Variants in SYT1 observed in about 807,000 individuals in gnomAD.
SYT1 encodes synaptotagmin-1.
SYT1 carries 8 observed loss-of-function variants against 44.8 expected under a neutral mutation model. The ratio of observed to expected loss-of-function variants is 0.18; its 90% CI spans 0.10 to 0.32. The LOEUF (loss-of-function observed/expected upper bound fraction) is 0.32, where lower values mean the gene tolerates loss of function less well. Among genes scored for constraint, SYT1 ranks in the 10% least tolerant of loss-of-function variants. SYT1 has a pLI of 1.00. For missense variants in SYT1, 286 were observed against 509.3 expected (o/e 0.56, Z 4.22); for synonymous variants, 154 against 188.8 (o/e 0.82, Z 1.51).
chr12:79,284,633 C>T (rs1267717054), intron 4 of SYT1, among the ~76,000 whole-genome samples: 3 of 151,794 alleles, frequency 2.0e-5, no homozygotes, highest in Non-Finnish European at 2.9e-5. Flanking sequence ...GTCAGGAGAT[C>T]GAGACCATCC....
chr12:79,347,416 C>A (rs750740428), intron 8 of SYT1, among the ~76,000 whole-genome samples: 2 of 152,250 alleles, frequency 1.3e-5, no homozygotes, highest in African/African-American at 2.4e-5. Flanking sequence ...TTCCAAATAT[C>A]TTTGAAGAAC....
chr12:79,298,542 A>G (rs1275344321), intron 7 of SYT1, among the ~76,000 whole-genome samples: 1 of 152,164 alleles, frequency 6.6e-6, no homozygotes, highest in Non-Finnish European at 1.5e-5. Flanking sequence ...AACCTTTAAG[A>G]CAAGTCTAAA....
At chr12:78,911,134 A>C (rs1345290751) in intron 1 of SYT1, among the ~76,000 whole-genome samples, 3 of 152,032 alleles carry the variant, frequency 2.0e-5, no homozygotes, top group African/African-American at 7.2e-5. Context: ...AAGTAGCACT[A>C]AGGTGGATGT....
At chr12:79,001,858 T>C (rs896598039) in intron 2 of SYT1, among the ~76,000 whole-genome samples, 11 of 152,120 alleles carry the variant, frequency 7.2e-5, no homozygotes, top group Non-Finnish European at 1.3e-4. Flanking sequence ...TTCTTCAACT[T>C]TCTTCACTCA....
intron 1 of SYT1, among the ~76,000 whole-genome samples, chr12:78,882,452 A>G (rs1036873358): frequency 2.0e-5 from 3 of 151,758 alleles, no homozygotes; most frequent in Non-Finnish European, 4.4e-5. Context: ...GCAATGTAAT[A>G]TGGCTGACTC....
chr12:78,890,328 A>G (rs1874980089), intron 1 of SYT1, among the ~76,000 whole-genome samples: 1 of 151,792 alleles, frequency 6.6e-6, no homozygotes, highest in East Asian at 2.0e-4. Flanking sequence ...CAACATACCC[A>G]CAATAGTATT....
chr12:79,057,055 T>A lies in SYT1; in HGVS notation c.-18+9693T>A, dbSNP rs1874999010. Among the ~76,000 whole-genome samples, 3 of 152,054 alleles carry A rather than the reference T, an allele frequency of 2.0e-5. No individual in the cohort carries two copies. The South Asian group carries it at 6.2e-4, about 31-fold the overall frequency. ...CTCTAAAGATGAGTATATCCCAGTCTTAGTAATAACTATTCCTGTTTCAGC... is the reference window on the plus strand; with the variant it reads ...CTCTAAAGATGAGTATATCCCAGTCATAGTAATAACTATTCCTGTTTCAGC... On this transcript the variant is annotated intron_variant, in intron 3 of 10. Coordinates refer to ENST00000261205, the MANE Select transcript of SYT1 (RefSeq NM_005639.3).
chr12:79,353,919 G>T (rs1321890324), intron 9 of SYT1, among the ~76,000 whole-genome samples: 1 of 152,166 alleles, frequency 6.6e-6, no homozygotes, highest in East Asian at 1.9e-4. Flanking sequence ...GAGTGTTCAT[G>T]ACAGATTATA....
intron 9 of SYT1, among the ~76,000 whole-genome samples, chr12:79,391,291 G>T (rs1884648124): frequency 6.6e-6 from 1 of 152,110 alleles, no homozygotes; most frequent in African/African-American, 2.4e-5. Context: ...ATACCTGGTG[G>T]TTATTCTGAT....
chr12:78,888,459 AT>A (rs1485069173), intron 1 of SYT1, among the ~76,000 whole-genome samples: 1 of 151,940 alleles, frequency 6.6e-6, no homozygotes, highest in African/African-American at 2.4e-5. Context: ...ATTTTATGCA[AT>A]CATTTAAAAT....
chr12:79,136,048 G>A (rs762142045), intron 3 of SYT1, among the ~76,000 whole-genome samples: 83 of 152,124 alleles, frequency 5.5e-4, no homozygotes, highest in Non-Finnish European at 9.1e-4. Flanking sequence ...GAAAGGAGTT[G>A]GGTTGAGTTC....
intron 2 of SYT1, among the ~76,000 whole-genome samples, chr12:79,015,021 T>C (rs1871708553): frequency 6.8e-6 from 1 of 146,156 alleles, no homozygotes; most frequent in African/African-American, 2.6e-5. Context: ...TGAGAACACA[T>C]GGACACAGGA....
At chr12:79,041,243 T>G (rs933063534) in intron 2 of SYT1, among the ~76,000 whole-genome samples, 2,108 of 152,298 alleles carry the variant, frequency 0.014, 51 homozygotes, top group African/African-American at 0.047. Flanking sequence ...ATATTCATTC[T>G]TCCTACCCAT....
chr12:78,972,001 A>G (rs1868414813), intron 1 of SYT1, among the ~76,000 whole-genome samples: 1 of 152,168 alleles, frequency 6.6e-6, no homozygotes, highest in African/African-American at 2.4e-5. Flanking sequence ...TCCTATTAAT[A>G]GGTAATTAAA....
At chr12:79,034,686 T>A (rs936046301) in intron 2 of SYT1, among the ~76,000 whole-genome samples, 1 of 151,744 alleles carries the variant, frequency 6.6e-6, no homozygotes, top group Admixed American at 6.6e-5. Context: ...ATGCTGCTTC[T>A]CCATAAATAG....
chr12:79,340,999 G>A (rs1368653366), intron 8 of SYT1, among the ~76,000 whole-genome samples: 1 of 151,916 alleles, frequency 6.6e-6, no homozygotes, highest in Non-Finnish European at 1.5e-5. Context: ...TTGAATTTTT[G>A]TTTATATGCC....
chr12:79,120,276 C>T (rs937152228), intron 3 of SYT1, among the ~76,000 whole-genome samples: 3 of 151,968 alleles, frequency 2.0e-5, no homozygotes, highest in Non-Finnish European at 4.4e-5. Context: ...AACAATAAGA[C>T]ACTGTGGACT....
intron 2 of SYT1, among the ~76,000 whole-genome samples, chr12:79,020,248 C>CTCCCTA (rs1872099880): frequency 6.6e-6 from 1 of 151,916 alleles, no homozygotes; most frequent in African/African-American, 2.4e-5. Context: ...CTCCCTAAAT[C>CTCCCTA]AGTTTAACCA....
At chr12:78,969,539 A>G (rs1305406428) in intron 1 of SYT1, among the ~76,000 whole-genome samples, 2 of 152,214 alleles carry the variant, frequency 1.3e-5, no homozygotes, top group Non-Finnish European at 2.9e-5. Context: ...TAAGGCCAGC[A>G]GAGCCATTAT....
Sources: allele counts gnomAD v4.1 joint callset (sites outside exome capture counted in the v4.1 genomes callset), GRCh38; gene constraint gnomAD v4.1.1; transcripts MANE v1.5; gene names NCBI Gene and HGNC (gene_info 2026-07-23, HGNC 2026-07-21).